Variants in ACTA2 observed in about 807,000 individuals in gnomAD.
ACTA2 encodes the protein actin, aortic smooth muscle.
Under a neutral mutation model 39.5 loss-of-function variants are expected in ACTA2, and 12 were observed. The ratio of observed to expected loss-of-function variants is 0.30; its 90% CI spans 0.19 to 0.49. ACTA2 has a LOEUF of 0.49. ACTA2 is among the 20% of genes least tolerant of loss of function. The pLI, the probability that ACTA2 is intolerant of heterozygous loss-of-function variation, is 0.99. For synonymous variants in ACTA2, 158 were observed against 180.6 expected, an observed-to-expected ratio of 0.88 and a Z score of 1.00; for missense variants, 236 against 498.8, an observed-to-expected ratio of 0.47 and a Z score of 5.02.
intron 8 of ACTA2, among the ~76,000 whole-genome samples, chr10:88,936,573 G>T: frequency 8.8e-6 from 1 of 113,008 alleles, no homozygotes; most frequent in African/African-American, 3.6e-5. Context: ...CCCCACCCCT[G>T]CCCTCTCTGT....
At chr10:88,955,548 CT>C (rs1394531815), upstream of ACTA2, among the ~76,000 whole-genome samples, 1 of 152,236 alleles carries the variant, frequency 6.6e-6, no homozygotes, top group Non-Finnish European at 1.5e-5. Context: ...CCTGCCACAT[CT>C]GCAGGGATTT....
chr10:88,970,098 C>T (rs1321998462), intron 1 of ACTA2, among the ~76,000 whole-genome samples: 3 of 152,150 alleles, frequency 2.0e-5, no homozygotes, highest in Admixed American at 6.5e-5. Flanking sequence ...AATATTCAAG[C>T]AGTCCATAAA....
At chr10:88,978,953 T>C (rs1221533883) in intron 1 of ACTA2, among the ~76,000 whole-genome samples, 5 of 151,774 alleles carry the variant, frequency 3.3e-5, no homozygotes, top group African/African-American at 9.7e-5. Flanking sequence ...TTACTGTTTC[T>C]GGCACTGCAT....
At chr10:88,952,589 A>G (rs1846069934) in intron 1 of ACTA2, 142 bp downstream of exon 1, 1 of 152,244 alleles carries the variant, frequency 6.6e-6, no homozygotes, top group Non-Finnish European at 1.5e-5. Flanking sequence ...AAAAGCTACA[A>G]TCATTTTAGT....
chr10:88,953,204 C>A (rs983486671), upstream of ACTA2, among the ~76,000 whole-genome samples: 1 of 152,224 alleles, frequency 6.6e-6, no homozygotes, highest in Non-Finnish European at 1.5e-5. Flanking sequence ...ACTTTTAAAA[C>A]CCTTCTACCA....
chr10:88,935,537 G>T (rs954663360), intron 8 of ACTA2, 171 bp from the exon 9 acceptor site: 4 of 687,640 alleles, frequency 5.8e-6, no homozygotes. Context: ...TTCTTGGCAG[G>T]ACCGCCAGAG....
upstream of ACTA2, among the ~76,000 whole-genome samples, chr10:88,956,486 C>G (rs1846140855): frequency 6.6e-6 from 1 of 152,186 alleles, no homozygotes; most frequent in Non-Finnish European, 1.5e-5. Context: ...GATAGTTCAA[C>G]ATAATCTTCC....
At chr10:88,965,375 T>C (rs993251850) in intron 1 of ACTA2, among the ~76,000 whole-genome samples, 2 of 152,186 alleles carry the variant, frequency 1.3e-5, no homozygotes, top group Non-Finnish European at 2.9e-5. Context: ...ATCTCAGACG[T>C]TGTTAGTTTC....
At chr10:88,986,666 G>A (rs1419652980) in intron 1 of ACTA2, among the ~76,000 whole-genome samples, 1 of 64,882 alleles carries the variant, frequency 1.5e-5, no homozygotes, top group East Asian at 2.0e-4. Flanking sequence ...AAGTAATACA[G>A]GAAGGAAGTA....
At chr10:88,955,386 T>C (rs531471890), upstream of ACTA2, among the ~76,000 whole-genome samples, 25 of 152,340 alleles carry the variant, frequency 1.6e-4, no homozygotes, top group African/African-American at 5.8e-4. Flanking sequence ...TTTTGTTCAG[T>C]TCATAAAATT....
intron 1 of ACTA2, among the ~76,000 whole-genome samples, chr10:88,951,714 CAG>C (rs923735614): frequency 2.6e-5 from 4 of 152,078 alleles, no homozygotes; most frequent in Non-Finnish European, 4.4e-5. Flanking sequence ...GCACCCGGGT[CAG>C]GGGATTTGCT....
At chr10:88,962,911 CCATATATATATATATATATATATA>C (rs1846251073) in intron 1 of ACTA2, among the ~76,000 whole-genome samples, 1 of 46,560 alleles carries the variant, frequency 2.1e-5, no homozygotes, top group Non-Finnish European at 4.1e-5. Context: ...GGGGAATGCC[CCATATATATATATATATATATATA>C]TATATATATA....
chr10:88,974,697 A>G (rs1846524321), intron 1 of ACTA2: 1 of 152,210 alleles, frequency 6.6e-6, no homozygotes. Context: ...GAATTCCACC[A>G]GATCATTGAC....
chr10:88,953,322 G>T (rs1239948140), upstream of ACTA2, among the ~76,000 whole-genome samples: 1 of 152,158 alleles, frequency 6.6e-6, no homozygotes, highest in African/African-American at 2.4e-5. Context: ...TCTTGAGGGA[G>T]GTGAGTGGAA....
intron 1 of ACTA2, among the ~76,000 whole-genome samples, chr10:88,963,104 A>G (rs1156487161): frequency 1.3e-5 from 2 of 151,322 alleles, no homozygotes; most frequent in African/African-American, 2.4e-5. Flanking sequence ...CCATGATTCA[A>G]TTACCTCCCA....
chr10:88,937,169 C>T (rs1375906075), intron 8 of ACTA2, among the ~76,000 whole-genome samples: 1 of 146,126 alleles, frequency 6.8e-6, no homozygotes, highest in African/African-American at 2.5e-5. Context: ...CAGGACTAGC[C>T]AGAGCCTATC....
At position 88,981,880 on chromosome 10, in the gene ACTA2, G is replaced by C. The variant is rs187936118; in HGVS notation, c.-24+9059C>G. Among the ~76,000 whole-genome samples, 5 of 152,312 alleles carry C rather than the reference G, an allele frequency of 3.3e-5. No individual in the cohort carries two copies. In the East Asian group the frequency reaches 9.6e-4, roughly 29 times the overall value. On this transcript the variant is annotated intron_variant, in intron 1 of 4. Transcript: ENST00000415557. ...AGGCATTATCATGATACTGTGCAAAGAGCCCAGGCTTTAGAGTCAAGCAAA... is the reference window on the plus strand; with the variant it reads ...AGGCATTATCATGATACTGTGCAAACAGCCCAGGCTTTAGAGTCAAGCAAA...
At chr10:88,989,665 C>A in intron 1 of ACTA2, 2 of 464,308 alleles carry the variant, frequency 4.3e-6, no homozygotes, top group Non-Finnish European at 4.3e-6. Context: ...CCCAAACAGG[C>A]TCCAGAAGAA....
At chr10:88,941,457 G>A in intron 5 of ACTA2, 67 bp from the exon 6 acceptor site, 1 of 1,590,730 alleles carries the variant, frequency 6.3e-7, no homozygotes, top group Non-Finnish European at 8.6e-7. Flanking sequence ...TGGACAAGTA[G>A]AGGGAAGCCT....
Sources: allele counts gnomAD v4.1 joint callset (sites outside exome capture counted in the v4.1 genomes callset), GRCh38; gene constraint gnomAD v4.1.1; transcripts MANE v1.5; gene names NCBI Gene and HGNC (gene_info 2026-07-23, HGNC 2026-07-21).